The following STXBP5L variants were observed in gnomAD, a reference collection of about 807,000 sequenced individuals.
STXBP5L encodes syntaxin-binding protein 5-like.
STXBP5L carries 65 observed loss-of-function variants against 144.5 expected under a neutral mutation model. The observed-to-expected ratio is 0.45, with a 90% confidence interval of 0.37 to 0.55. The LOEUF is 0.55. STXBP5L is among the 20% of genes least tolerant of loss of function. The pLI is 0.00. For missense variants in STXBP5L, 1,298 were observed against 1,405.5 expected (o/e 0.92, Z 1.22); for synonymous variants, 505 against 469.6 (o/e 1.08, Z -0.97).
chr3:120,978,506 C>CG (rs1298978073), intron 3 of STXBP5L, among the ~76,000 whole-genome samples: 2 of 152,138 alleles, frequency 1.3e-5, no homozygotes, highest in Non-Finnish European at 2.9e-5. Context: ...TCCTGTAGCT[C>CG]GGAGTAGTTT....
intron 22 of STXBP5L, among the ~76,000 whole-genome samples, chr3:121,390,640 C>T (rs1172946740): frequency 6.6e-6 from 1 of 152,166 alleles, no homozygotes; most frequent in Non-Finnish European, 1.5e-5. Flanking sequence ...TTCTCCTTCA[C>T]TAATGAAGCT....
chr3:121,315,936 G>T (rs1300975753), intron 19 of STXBP5L, among the ~76,000 whole-genome samples: 1 of 151,706 alleles, frequency 6.6e-6, no homozygotes, highest in Non-Finnish European at 1.5e-5. Context: ...CCAGGAGGCG[G>T]AGGTTGCAGT....
intron 3 of STXBP5L, among the ~76,000 whole-genome samples, chr3:120,997,559 G>A (rs1943448785): frequency 6.6e-6 from 1 of 152,024 alleles, no homozygotes; most frequent in Admixed American, 6.6e-5. Flanking sequence ...ACGCTTGTTG[G>A]CCATGTGTAT....
chr3:121,061,462 G>A (rs767533158), intron 5 of STXBP5L, among the ~76,000 whole-genome samples: 2 of 152,176 alleles, frequency 1.3e-5, no homozygotes, highest in Non-Finnish European at 2.9e-5. Context: ...ATTTGGGGTG[G>A]AGAGTTCTGT....
chr3:120,917,264 A>G (rs1382512135), intron 2 of STXBP5L, among the ~76,000 whole-genome samples: 1 of 152,196 alleles, frequency 6.6e-6, no homozygotes. Context: ...ATTAGGGTAA[A>G]CATATTTTCA....
At chr3:121,011,384 T>C (rs998274704) in intron 3 of STXBP5L, among the ~76,000 whole-genome samples, 5 of 151,620 alleles carry the variant, frequency 3.3e-5, no homozygotes, top group Non-Finnish European at 5.9e-5. Context: ...TGCAACCCTT[T>C]ATTTTTATAG....
intron 9 of STXBP5L, among the ~76,000 whole-genome samples, chr3:121,176,490 C>CAAA (rs35855500): frequency 2.4e-4 from 17 of 70,134 alleles, no homozygotes; most frequent in South Asian, 1.1e-3. Context: ...CCAAACTGGC[C>CAAA]AAAAAAAAAA....
chr3:121,388,362 C>CT (rs1027226580), intron 22 of STXBP5L, among the ~76,000 whole-genome samples: 1 of 152,140 alleles, frequency 6.6e-6, no homozygotes, highest in Non-Finnish European at 1.5e-5. Flanking sequence ...ATTTAACTTC[C>CT]TTTTTTCCTA....
At chr3:121,279,149 T>C (rs999596474) in intron 18 of STXBP5L, among the ~76,000 whole-genome samples, 1 of 151,866 alleles carries the variant, frequency 6.6e-6, no homozygotes, top group African/African-American at 2.4e-5. Context: ...GTATGCCTAA[T>C]GGTTAAGATA....
rs576656362 is a variant in STXBP5L at position 120,996,448 on chromosome 3, G to A, written c.287+41411G>A. Among the ~76,000 whole-genome samples, 4 of 152,096 alleles carry A rather than the reference G, an allele frequency of 2.6e-5. No individual in the cohort carries two copies. The South Asian group carries it at 8.3e-4, about 32-fold the overall frequency. On this transcript the variant is annotated intron_variant, in intron 3 of 26. Transcript: ENST00000471454. The stretch of plus-strand genomic sequence containing the variant: ...ATCTTTGTCTTCATATACTCACATA[G>A]TTACCATTTTGAGGAGTGTTGAGAC...
intron 7 of STXBP5L, among the ~76,000 whole-genome samples, chr3:121,124,006 A>G (rs60103718): frequency 0.015 from 2,220 of 151,946 alleles, 57 homozygotes; most frequent in African/African-American, 0.051. Flanking sequence ...TTTCACAATT[A>G]GATTTTAATC....
chr3:121,144,700 G>C (rs2045648876), intron 7 of STXBP5L, among the ~76,000 whole-genome samples: 1 of 151,932 alleles, frequency 6.6e-6, no homozygotes, highest in Non-Finnish European at 1.5e-5. Context: ...TGTGGAAATG[G>C]CCTAAATGGC....
chr3:121,309,810 T>C (rs1282784578), intron 19 of STXBP5L, among the ~76,000 whole-genome samples: 2 of 152,202 alleles, frequency 1.3e-5, no homozygotes, highest in African/African-American at 4.8e-5. Context: ...ATATTATTTG[T>C]AGAACTTGAG....
rs1176321314 is a variant in STXBP5L at position 121,039,243 on chromosome 3, G to A, written c.288-2457G>A. Among the ~76,000 whole-genome samples, 4 of 151,670 alleles carry A rather than the reference G, an allele frequency of 2.6e-5. No homozygotes were observed. The East Asian group carries it at 5.8e-4, about 22-fold the overall frequency. ...TGATTTCATTTTGTCTCCTTCGTTGGCTAATTAGCTGTAATCTTCTTGCTG... is the reference window on the plus strand; with the variant it reads ...TGATTTCATTTTGTCTCCTTCGTTGACTAATTAGCTGTAATCTTCTTGCTG... On this transcript the variant is annotated intron_variant, in intron 3 of 26. Transcript: ENST00000471454.
chr3:121,160,180 G>A (rs1442621881), intron 9 of STXBP5L, among the ~76,000 whole-genome samples: 1 of 152,144 alleles, frequency 6.6e-6, no homozygotes, highest in Non-Finnish European at 1.5e-5. Context: ...CTTGTCTAGT[G>A]CTATCAATTG....
intron 9 of STXBP5L, among the ~76,000 whole-genome samples, chr3:121,171,222 A>T (rs1385490971): frequency 6.6e-6 from 1 of 152,176 alleles, no homozygotes; most frequent in Non-Finnish European, 1.5e-5. Flanking sequence ...CAATAATAAG[A>T]GCTATTTATA....
At chr3:121,159,703 C>G (rs956378499) in intron 9 of STXBP5L, among the ~76,000 whole-genome samples, 15 of 148,206 alleles carry the variant, frequency 1.0e-4, no homozygotes, top group African/African-American at 3.7e-4. Flanking sequence ...TGTCTTGGCT[C>G]ACTGCAAGCT....
At chr3:121,330,396 G>C (rs144243426) in intron 20 of STXBP5L, among the ~76,000 whole-genome samples, 1 of 152,102 alleles carries the variant, frequency 6.6e-6, no homozygotes, top group Non-Finnish European at 1.5e-5. Flanking sequence ...TGATTTCCCC[G>C]GGGCTGCTTC....
intron 3 of STXBP5L, among the ~76,000 whole-genome samples, chr3:120,966,408 C>A (rs947115897): frequency 6.6e-6 from 1 of 152,212 alleles, no homozygotes; most frequent in African/African-American, 2.4e-5. Flanking sequence ...TTCTCCCCAT[C>A]TTTGTGGCTT....
Sources: gnomAD v4.1 joint callset for allele counts (sites outside exome capture counted in the v4.1 genomes callset) on GRCh38, gnomAD v4.1.1 for gene constraint, MANE v1.5 for transcripts, NCBI Gene and HGNC (gene_info 2026-07-23, HGNC 2026-07-21) for gene names.